Variants in ACADSB observed in about 807,000 individuals in gnomAD.
The protein encoded by ACADSB is acyl-CoA dehydrogenase short/branched chain, also known as short/branched chain specific acyl-CoA dehydrogenase, mitochondrial.
In ACADSB, 40 loss-of-function variants were observed where a neutral mutation model predicts 54.1. That is an observed-to-expected ratio of 0.74 (90% CI 0.57 to 0.96). The LOEUF (loss-of-function observed/expected upper bound fraction) is 0.96, where lower values mean the gene tolerates loss of function less well. Among genes scored for constraint, ACADSB ranks in the 40% least tolerant of loss-of-function variants. The pLI, the probability that ACADSB is intolerant of heterozygous loss-of-function variation, is 0.00. For synonymous variants in ACADSB, 182 were observed against 182.8 expected (o/e 1.00, Z 0.03); for missense variants, 530 against 510.4 (o/e 1.04, Z -0.37).
chr10:123,043,652 C>T (rs1014374163), intron 6 of ACADSB, among the ~76,000 whole-genome samples: 4 of 152,102 alleles, frequency 2.6e-5, no homozygotes, highest in African/African-American at 9.7e-5. Context: ...TCGGCTTTTC[C>T]ACCACTCATC....
At chr10:123,034,938 TC>T (rs1225875723) in intron 2 of ACADSB, among the ~76,000 whole-genome samples, 2 of 146,850 alleles carry the variant, frequency 1.4e-5, no homozygotes, top group East Asian at 3.9e-4. Context: ...TCTTTTTCTT[TC>T]TTTCTTTCTT....
rs1159369853 is a variant in ACADSB at position 123,054,041 on chromosome 10, T to C, written c.*276T>C. On this transcript the variant is annotated 3_prime_UTR_variant, in exon 11 of 11. Transcript: ENST00000358776. ...AAAGCTGTATACGCATACATATATA[T>C]ATTTTTACTCTGTCTTACTCTGTCA... The C allele has an allele frequency of 4.1e-6, 2 of 491,250 alleles. No homozygotes were observed. Among genetic ancestry groups the C allele is most frequent in the East Asian group, 7.6e-5 (2 of 26,258 alleles). 30.4% of individuals were successfully genotyped at this position (491,250 alleles called of 1,614,324 possible). A position where few individuals can be genotyped will look rare whatever the true frequency, so the allele number is the denominator to read the frequency against.
At chr10:123,022,621 C>G (rs1393991063) in intron 1 of ACADSB, among the ~76,000 whole-genome samples, 1 of 152,174 alleles carries the variant, frequency 6.6e-6, no homozygotes, top group African/African-American at 2.4e-5. Context: ...CAAAATTATA[C>G]TTTTTCTCAC....
intron 1 of ACADSB, among the ~76,000 whole-genome samples, chr10:123,029,125 T>C (rs776761702): frequency 6.6e-6 from 1 of 152,060 alleles, no homozygotes; most frequent in Non-Finnish European, 1.5e-5. Flanking sequence ...GGTGGGCAGA[T>C]TGCTTGAGGC....
intron 1 of ACADSB, among the ~76,000 whole-genome samples, chr10:123,015,063 G>A (rs1337306806): frequency 1.3e-5 from 2 of 152,238 alleles, no homozygotes; most frequent in Admixed American, 1.3e-4. Context: ...AGCAAGCCTG[G>A]ATTTCTTCTG....
chr10:123,037,773 G>T lies in ACADSB; in HGVS notation c.229G>T (p.Ala77Ser). ...SVKKFAQEQIAPLVSTMDENS... is the reference protein window; with the variant it reads ...SVKKFAQEQISPLVSTMDENS... ...TAAAAAATTTGCTCAGGAACAAATT[G>T]CACCTTTGGTTTCAACCATGGATGA... is the stretch of plus-strand genomic sequence containing the variant. Residue 77 changes from alanine to serine, a missense_variant, in exon 3 of 11, where the codon GCA becomes TCA. Transcript: ENST00000358776. 1 of 1,611,960 alleles carries T rather than the reference G, an allele frequency of 6.2e-7. No homozygotes were observed.
chr10:123,030,425 G>A (rs1353836270), intron 1 of ACADSB, among the ~76,000 whole-genome samples: 2 of 151,314 alleles, frequency 1.3e-5, no homozygotes, highest in African/African-American at 4.9e-5. Context: ...TATTTGGGAG[G>A]CTGAGGCAAG....
At chr10:123,041,451 C>G (rs960280542) in intron 5 of ACADSB, 72 bp downstream of exon 5, 49 of 1,518,376 alleles carry the variant, frequency 3.2e-5, no homozygotes, top group Non-Finnish European at 4.0e-5. Context: ...TTTCCTCCTT[C>G]TGTTTCCTTT....
chr10:123,023,081 A>T (rs1850204618), intron 1 of ACADSB, among the ~76,000 whole-genome samples: 1 of 152,210 alleles, frequency 6.6e-6, no homozygotes, highest in African/African-American at 2.4e-5. Flanking sequence ...TTAAATACAC[A>T]GATATTTTTA....
chr10:123,018,693 C>T (rs138833528), intron 1 of ACADSB, among the ~76,000 whole-genome samples: 5 of 152,286 alleles, frequency 3.3e-5, no homozygotes, highest in East Asian at 1.9e-4. Flanking sequence ...CGCAGTTCCA[C>T]GTGGCTGACG....
chr10:123,034,212 T>A lies in ACADSB; in HGVS notation c.43-144T>A, dbSNP rs991430347. 1.5e-5 allele frequency: 12 copies of A among 792,436 alleles called. No individual in the cohort carries two copies. The African/African-American group carries it at 2.1e-4, about 14-fold the overall frequency. The allele number at this position is 792,436 out of a possible 1,614,324, so 49.1% of individuals were successfully genotyped here. ...CATCATGTTAACAACTAATTTGTGTTATGTTTAAAAGACTGAATTTAAAAA... is the reference window on the plus strand; with the variant it reads ...CATCATGTTAACAACTAATTTGTGTAATGTTTAAAAGACTGAATTTAAAAA... On this transcript the variant is annotated intron_variant, in intron 1 of 10. Transcript: ENST00000358776.
At position 123,053,701 on chromosome 10, in the gene ACADSB, T is replaced by TA. The variant is rs1379636089; in HGVS notation, c.1236dup (p.Tyr413IlefsTer2). On this transcript the variant is annotated frameshift_variant, in exon 11 of 11. Coordinates refer to ENST00000358776, the MANE Select transcript of ACADSB (RefSeq NM_001609.4). LOFTEE classifies it high-confidence loss of function. ...CTGCTTCCTTTTGCTTAAGGTACGATATATGAAGGAGCTTCCAACATCCAG... is the reference window on the plus strand; with the variant it reads ...CTGCTTCCTTTTGCTTAAGGTACGATAATATGAAGGAGCTTCCAACATCCAG... 10 of 1,613,612 alleles carry TA rather than the reference T, an allele frequency of 6.2e-6. No homozygotes were observed. Among genetic ancestry groups the TA allele is most frequent in the Non-Finnish European group, 8.5e-6 (10 of 1,179,496 alleles).
chr10:123,040,603 C>A lies in ACADSB; in HGVS notation c.441C>A (p.Asn147Lys). 1 of 1,614,090 alleles carries A rather than the reference C, an allele frequency of 6.2e-7. No homozygotes were observed. The highest frequency in any genetic ancestry group is 8.5e-7 in the Non-Finnish European group (1 of 1,179,990). ...GTGAGATCCAGAACACATTAATTAA[C>A]ACACTGATTAGAAAACATGGAACAG... ...VFCEIQNTLI[N>K]TLIRKHGTEE... The change falls in exon 4 of 11, where the codon AAC becomes AAA. Residue 147 changes from asparagine (N) to lysine (K), a missense_variant. Transcript: ENST00000358776.
At chr10:123,036,746 T>G (rs1201742613) in intron 2 of ACADSB, among the ~76,000 whole-genome samples, 1 of 152,176 alleles carries the variant, frequency 6.6e-6, no homozygotes, top group Non-Finnish European at 1.5e-5. Context: ...AGAAGTGGGC[T>G]AAGGAAGCAG....
At chr10:123,036,415 C>T (rs1034395090) in intron 2 of ACADSB, among the ~76,000 whole-genome samples, 5 of 152,168 alleles carry the variant, frequency 3.3e-5, no homozygotes, top group Admixed American at 2.0e-4. Context: ...TGCTCCCTCG[C>T]CTTTTAGATA....
intron 1 of ACADSB, among the ~76,000 whole-genome samples, chr10:123,030,272 T>A (rs1850308071): frequency 6.6e-6 from 1 of 152,124 alleles, no homozygotes; most frequent in South Asian, 2.1e-4. Context: ...ACGCCAGTAA[T>A]CCCAGCACTC....
intron 1 of ACADSB, among the ~76,000 whole-genome samples, chr10:123,012,888 G>A (rs535736977): frequency 6.6e-6 from 1 of 152,340 alleles, no homozygotes; most frequent in South Asian, 2.1e-4. Context: ...TTTACAGACA[G>A]CTGATTGGAT....
chr10:123,037,901 G>A, intron 3 of ACADSB, 54 bp downstream of exon 3: 2 of 1,266,494 alleles, frequency 1.6e-6, no homozygotes, highest in Non-Finnish European at 2.3e-6. Flanking sequence ...TTCAGGGACT[G>A]TAATGATAGC....
intron 1 of ACADSB, among the ~76,000 whole-genome samples, chr10:123,012,191 T>G (rs1369201678): frequency 6.6e-6 from 1 of 152,210 alleles, no homozygotes; most frequent in Non-Finnish European, 1.5e-5. Context: ...TGAATTCTTG[T>G]TCAGTTAATT....
Sources: allele counts gnomAD v4.1 joint callset (sites outside exome capture counted in the v4.1 genomes callset), GRCh38; gene constraint gnomAD v4.1.1; transcripts MANE v1.5; gene names NCBI Gene and HGNC (gene_info 2026-07-23, HGNC 2026-07-21).